Variants in OR51B5 observed in about 807,000 individuals in gnomAD.
OR51B5 encodes the protein olfactory receptor 51B5.
For missense variants in OR51B5, 456 were observed against 374.6 expected, an observed-to-expected ratio of 1.22 and a Z score of -1.79; for synonymous variants, 186 against 144.8, an observed-to-expected ratio of 1.28 and a Z score of -2.04.
chr11:5,411,428 T>C lies in OR51B5; in HGVS notation n.85-64518A>G, dbSNP rs186996161. 1.3e-3 allele frequency among the ~76,000 whole-genome samples: 193 copies of C among 152,074 alleles called. 1 individual carries two copies. Among genetic ancestry groups the C allele is most frequent in the Non-Finnish European group, 2.3e-3 (154 of 68,004 alleles). On this transcript the variant is annotated intron_variant and non_coding_transcript_variant, in intron 1 of 4. Coordinates refer to the OR51B5 transcript ENST00000415970. Reference sequence around the variant, plus strand: ...GTATGATGTTGGCACAACTACAATATTGACTAACAACACATATCTCAGGAC... The same window carrying C: ...GTATGATGTTGGCACAACTACAATACTGACTAACAACACATATCTCAGGAC...
chr11:5,394,803 G>A (rs1235799130), intron 1 of OR51B5, among the ~76,000 whole-genome samples: 2 of 152,170 alleles, frequency 1.3e-5, no homozygotes, highest in African/African-American at 4.8e-5. Context: ...TCCTGCAGAA[G>A]ACAATGCTTT....
At chr11:5,422,753 G>C (rs1456186667) in intron 1 of OR51B5, 2 of 1,614,106 alleles carry the variant, frequency 1.2e-6, no homozygotes, top group Non-Finnish European at 1.7e-6. Flanking sequence ...CCTCCACCAG[G>C]ATATGATCCG....
chr11:5,363,480 CCACA>C (rs751738643), intron 1 of OR51B5, among the ~76,000 whole-genome samples: 4 of 151,462 alleles, frequency 2.6e-5, no homozygotes, highest in Admixed American at 6.6e-5. Context: ...CACAAAAGCG[CCACA>C]CACACAATCA....
chr11:5,468,564 G>C (rs1851174190), intron 1 of OR51B5: 2 of 419,368 alleles, frequency 4.8e-6, no homozygotes, highest in Admixed American at 2.5e-5. Flanking sequence ...TAATTGGGTA[G>C]AGCATTGGAG....
chr11:5,379,243 T>C (rs1339680081), intron 1 of OR51B5, among the ~76,000 whole-genome samples: 2 of 151,882 alleles, frequency 1.3e-5, no homozygotes, highest in Non-Finnish European at 2.9e-5. Context: ...TTCTCACTCA[T>C]AGATGGGAAC....
intron 1 of OR51B5, among the ~76,000 whole-genome samples, chr11:5,477,097 T>C (rs567275383): frequency 6.6e-6 from 1 of 152,170 alleles, no homozygotes; most frequent in Non-Finnish European, 1.5e-5. Flanking sequence ...GGGAAGGAAC[T>C]TTTAGAGGTG....
intron 1 of OR51B5, chr11:5,431,113 A>C: frequency 2.4e-6 from 1 of 417,442 alleles, no homozygotes; most frequent in African/African-American, 2.0e-5. Flanking sequence ...TTGCCTCAAA[A>C]GGATTGGAAG....
At chr11:5,489,695 A>T in intron 1 of OR51B5, 1 of 1,445,268 alleles carries the variant, frequency 6.9e-7, no homozygotes, top group Non-Finnish European at 9.7e-7. Flanking sequence ...TTTAAAAAAA[A>T]GTGTAGGATG....
At chr11:5,473,041 T>G (rs1851251839) in intron 1 of OR51B5, among the ~76,000 whole-genome samples, 1 of 152,210 alleles carries the variant, frequency 6.6e-6, no homozygotes, top group Non-Finnish European at 1.5e-5. Flanking sequence ...ACAAGCTCCT[T>G]CCCTGTCTAA....
At chr11:5,489,351 T>C in intron 1 of OR51B5, 1 of 1,614,056 alleles carries the variant, frequency 6.2e-7, no homozygotes, top group Non-Finnish European at 8.5e-7. Flanking sequence ...TGGATTCCAT[T>C]CTCATTGCCA....
At chr11:5,357,216 G>C (rs184878972) in intron 1 of OR51B5, among the ~76,000 whole-genome samples, 1 of 152,058 alleles carries the variant, frequency 6.6e-6, no homozygotes, top group Non-Finnish European at 1.5e-5. Context: ...TCAGTGTGCT[G>C]TATTCAGGAA....
rs760829167 is a variant in OR51B5, at chr11:5,489,167, G to A, written n.84+16402C>T. 59 of 1,613,470 alleles carry A rather than the reference G, an allele frequency of 3.7e-5. 1 individual carries two copies. In the Admixed American group the frequency reaches 4.0e-4, roughly 11 times the overall value. ...AGAATTGGCTTTGTTGGGCTATTCC[G>A]TAGTGTGGCTATTGTCTCCCCCTTC... is the stretch of plus-strand genomic sequence containing the variant. On this transcript the variant is annotated intron_variant and non_coding_transcript_variant, in intron 1 of 4. Coordinates refer to the OR51B5 transcript ENST00000415970.
intron 1 of OR51B5, among the ~76,000 whole-genome samples, chr11:5,401,277 C>A (rs926848187): frequency 6.6e-6 from 1 of 152,192 alleles, no homozygotes; most frequent in Admixed American, 6.5e-5. Flanking sequence ...AGGTAAGTTT[C>A]TTTGAGAACT....
chr11:5,358,922 G>T (rs963282732), intron 1 of OR51B5, among the ~76,000 whole-genome samples: 11 of 151,462 alleles, frequency 7.3e-5, no homozygotes, highest in African/African-American at 2.4e-4. Flanking sequence ...ATGCAGAAAA[G>T]GCCTTTGACA....
intron 1 of OR51B5, among the ~76,000 whole-genome samples, chr11:5,463,551 C>T (rs965229534): frequency 6.6e-6 from 1 of 152,180 alleles, no homozygotes; most frequent in African/African-American, 2.4e-5. Context: ...TTTACTCAAT[C>T]CCAGTTTTAA....
chr11:5,402,995 T>A, intron 1 of OR51B5: 1 of 471,466 alleles, frequency 2.1e-6, no homozygotes, highest in Non-Finnish European at 4.4e-6. Context: ...TACAGCCCAC[T>A]GAGCTACACA....
chr11:5,486,083 C>G (rs181328293), intron 1 of OR51B5, among the ~76,000 whole-genome samples: 90 of 152,136 alleles, frequency 5.9e-4, no homozygotes, highest in African/African-American at 2.1e-3. Flanking sequence ...AGAACCAAAC[C>G]TGCCAACATC....
chr11:5,423,299 G>A (rs189367646), intron 1 of OR51B5: 20 of 1,050,912 alleles, frequency 1.9e-5, no homozygotes, highest in Middle Eastern at 6.4e-4. Flanking sequence ...TGGAATTTTT[G>A]GCTGAGGTGA....
intron 1 of OR51B5, among the ~76,000 whole-genome samples, chr11:5,444,404 G>A (rs1436224113): frequency 1.3e-5 from 2 of 152,152 alleles, no homozygotes; most frequent in Non-Finnish European, 2.9e-5. Context: ...GTGATATGTG[G>A]TTTGGTATTA....
Sources: gnomAD v4.1 joint callset for allele counts (sites outside exome capture counted in the v4.1 genomes callset) on GRCh38, gnomAD v4.1.1 for gene constraint, MANE v1.5 for transcripts, NCBI Gene and HGNC (gene_info 2026-07-23, HGNC 2026-07-21) for gene names.